Variants in PTPN6 observed in about 807,000 individuals in gnomAD.
The protein encoded by PTPN6 is tyrosine-protein phosphatase non-receptor type 6.
In PTPN6, 18 loss-of-function variants were observed where a neutral mutation model predicts 81.5. The ratio of observed to expected loss-of-function variants is 0.22; its 90% CI spans 0.15 to 0.33. PTPN6 has a LOEUF of 0.33. Ranked by LOEUF, PTPN6 falls within the 10% of genes least tolerant of loss-of-function variation. The pLI is 1.00. For missense variants in PTPN6, 500 were observed against 794.2 expected (o/e 0.63, Z 4.45); for synonymous variants, 301 against 310.9 (o/e 0.97, Z 0.33).
Position 6,959,972 on chromosome 12 carries a change from C to T in PTPN6, c.1407C>T (p.Leu469=). Residue 469 remains leucine (L), a synonymous_variant, in exon 12 of 16, where the codon CTC becomes CTT. Transcript: ENST00000318974. The surrounding 1 kb of genome is among the most constrained non-coding windows in gnomAD (Gnocchi z 6.6). ...RTGTIIVIDM[L]MENISTKGLD... ...GCACCATCATTGTCATCGACATGCT[C>T]ATGGAGAACATCTCCACCAAGGGTG... The T allele has an allele frequency of 6.2e-7, 1 of 1,609,044 alleles. No individual in the cohort carries two copies. Among genetic ancestry groups the T allele is most frequent in the Non-Finnish European group, 8.5e-7 (1 of 1,179,218 alleles).
At chr12:6,949,877 G>A (rs1347568027), upstream of PTPN6, among the ~76,000 whole-genome samples, 2 of 144,522 alleles carry the variant, frequency 1.4e-5, no homozygotes, top group Non-Finnish European at 1.5e-5. Context: ...GCGGTGGCAT[G>A]ATCTCGGCTC....
In PTPN6 at chr12:6,959,928, G is replaced by A. The variant is rs1435682678; in HGVS notation, c.1363G>A (p.Ala455Thr). The A allele has an allele frequency of 1.2e-6, 2 of 1,610,360 alleles. No homozygotes were observed. Among genetic ancestry groups the A allele is most frequent in the African/African-American group, 1.3e-5 (1 of 74,662 alleles). Residue 455 changes from alanine to threonine, a missense_variant and splice_region_variant, in exon 12 of 16, where the codon GCC (alanine) becomes ACC (threonine). By Grantham distance (58) the Ala-to-Thr change is moderately conservative. This residue lies in a region of PTPN6 where 226 missense variants were observed against 364.4 expected (regional missense o/e 0.62). Coordinates refer to ENST00000318974, the MANE Select transcript of PTPN6 (RefSeq NM_002831.6). The surrounding 1 kb of genome is among the most constrained non-coding windows in gnomAD (Gnocchi z 6.6). The part of the protein sequence containing the change: ...HAGPIIVHCS[A>T]GIGRTGTIIV... ...GATGGCACCCCCGTCTTTCCCCAGC[G>A]CCGGCATCGGCCGCACAGGCACCAT...
chr12:6,946,771 T>A, upstream of PTPN6: 2 of 1,601,706 alleles, frequency 1.2e-6, no homozygotes, highest in South Asian at 2.2e-5. Context: ...GGTCCCAGTC[T>A]CCTGTTAGTT....
chr12:6,960,601 T>G lies in PTPN6; in HGVS notation c.1673+166T>G. 2 of 1,472,150 alleles carry G rather than the reference T, an allele frequency of 1.4e-6. No homozygotes were observed. The highest frequency in any genetic ancestry group is 2.4e-5 in the South Asian group (2 of 82,502). 91.2% of individuals were successfully genotyped at this position (1,472,150 alleles called of 1,614,324 possible). A position where few individuals can be genotyped will look rare whatever the true frequency, so the allele number is the denominator to read the frequency against. On this transcript the variant is annotated intron_variant, in intron 14 of 15. Coordinates refer to ENST00000318974, the MANE Select transcript of PTPN6 (RefSeq NM_002831.6). This position sits in a 1 kb window ranked among gnomAD's most constrained non-coding sequence, Gnocchi z 6.1. ...TAAGCATTTCCTGAGTGCCCACACG[T>G]GTGGGCCTCTGCTAGGTACCAGCAG...
In PTPN6 at chr12:6,951,529, C is replaced by T. The variant is rs1945924172; in HGVS notation, c.8+9C>T. The T allele has an allele frequency of 6.2e-7, 1 of 1,614,028 alleles. No individual in the cohort carries two copies. The highest frequency in any genetic ancestry group is 8.5e-7 in the Non-Finnish European group (1 of 1,179,968). ...GCCCCCAGGATGGTGAGGTAAGGGC[C>T]TGCCACCCACGGTAGACAGGAGGCA... On this transcript the variant is annotated intron_variant, in intron 1 of 15. Coordinates refer to ENST00000318974, the MANE Select transcript of PTPN6 (RefSeq NM_002831.6). The surrounding 1 kb of genome is among the most constrained non-coding windows in gnomAD (Gnocchi z 7.2).
At chr12:6,946,806 A>C, upstream of PTPN6, 1 of 1,497,480 alleles carries the variant, frequency 6.7e-7, no homozygotes, top group South Asian at 1.2e-5. Context: ...GGCTTTGTTG[A>C]TGCTCACTCC....
chr12:6,948,981 C>T (rs1945879323), upstream of PTPN6, among the ~76,000 whole-genome samples: 1 of 151,940 alleles, frequency 6.6e-6, no homozygotes, highest in Non-Finnish European at 1.5e-5. Context: ...AAGTGACAAC[C>T]TGCTTACAGA....
At position 6,955,680 on chromosome 12, in the gene PTPN6, G is replaced by A; in HGVS notation, c.768G>A (p.Val256=). The change falls in exon 7 of 16, where the codon GTG becomes GTA. Residue 256 remains valine (V), a synonymous_variant. Transcript: ENST00000318974. The surrounding 1 kb of genome is among the most constrained non-coding windows in gnomAD (Gnocchi z 7.2). ...EEFESLQKQE[V]KNLHQRLEGQ... is the part of the protein sequence containing the mutation. ...CTCAGAGTTTGCAGAAGCAGGAGGTGAAGAACTTGCACCAGCGTCTGGAAG... is the reference window on the plus strand; with the variant it reads ...CTCAGAGTTTGCAGAAGCAGGAGGTAAAGAACTTGCACCAGCGTCTGGAAG... 1.2e-6 allele frequency: 2 copies of A among 1,614,082 alleles called. No individual in the cohort carries two copies. The highest frequency in any genetic ancestry group is 1.7e-6 in the Non-Finnish European group (2 of 1,180,000).
At position 6,955,995 on chromosome 12, in the gene PTPN6, G is replaced by A; in HGVS notation, c.845-147G>A. 1 of 870,836 alleles carries A rather than the reference G, an allele frequency of 1.1e-6. No homozygotes were observed. The highest frequency in any genetic ancestry group is 1.4e-5 in the South Asian group (1 of 69,838). 53.9% of individuals were successfully genotyped at this position (870,836 alleles called of 1,614,324 possible). A position where few individuals can be genotyped will look rare whatever the true frequency, so the allele number is the denominator to read the frequency against. On this transcript the variant is annotated intron_variant, in intron 7 of 15. Transcript: ENST00000318974. The surrounding 1 kb of genome is among the most constrained non-coding windows in gnomAD (Gnocchi z 7.2). ...ACTCCCTCACTCCCTCCATACAGATGATCCCCCACCCCTGCTGCCCACAGT... is the reference window on the plus strand; with the variant it reads ...ACTCCCTCACTCCCTCCATACAGATAATCCCCCACCCCTGCTGCCCACAGT...
chr12:6,946,794 A>C (rs1483249966), upstream of PTPN6: 21 of 1,559,172 alleles, frequency 1.3e-5, no homozygotes, highest in Admixed American at 8.8e-5. Flanking sequence ...GGAGGGAGGG[A>C]GGGCTTTGTT....
rs368851443 is a variant in PTPN6 at position 6,951,551 on chromosome 12, G to A, written c.8+31G>A. The A allele has an allele frequency of 1.9e-6, 3 of 1,613,946 alleles. No homozygotes were observed. The highest frequency in any genetic ancestry group is 1.3e-5 in the African/African-American group (1 of 74,910). Reference sequence around the variant, plus strand: ...GGCCTGCCACCCACGGTAGACAGGAGGCAAGGGTGCCTGGTGCCCACGGGA... The same window carrying A: ...GGCCTGCCACCCACGGTAGACAGGAAGCAAGGGTGCCTGGTGCCCACGGGA... On this transcript the variant is annotated intron_variant, in intron 1 of 15. Coordinates refer to ENST00000318974, the MANE Select transcript of PTPN6 (RefSeq NM_002831.6). This position sits in a 1 kb window ranked among gnomAD's most constrained non-coding sequence, Gnocchi z 7.2.
Position 6,959,694 on chromosome 12 carries a change from A to G in PTPN6, c.1362-233A>G. ...GGCGCGAGGAGTGGAGGAGGGAAGG[A>G]TGGTGGCAGCTGGGGAGCCAGCGTC... On this transcript the variant is annotated intron_variant, in intron 11 of 15. Coordinates refer to ENST00000318974, the MANE Select transcript of PTPN6 (RefSeq NM_002831.6). This position sits in a 1 kb window ranked among gnomAD's most constrained non-coding sequence, Gnocchi z 6.6. 1.7e-6 allele frequency: 1 copy of G among 601,426 alleles called. No individual in the cohort carries two copies. Among genetic ancestry groups the G allele is most frequent in the Non-Finnish European group, 3.0e-6 (1 of 336,836 alleles). 37.3% of individuals were successfully genotyped at this position (601,426 alleles called of 1,614,324 possible). A position where few individuals can be genotyped will look rare whatever the true frequency, so the allele number is the denominator to read the frequency against.
chr12:6,958,056 C>T lies in PTPN6; in HGVS notation c.1344C>T (p.Pro448=), dbSNP rs1017446272. Reference sequence around the variant, plus strand: ...AGGAAAGTCTGCCTCACGCAGGGCCCATCATCGTGCACTGCAGGTGAGGAT... The same window carrying T: ...AGGAAAGTCTGCCTCACGCAGGGCCTATCATCGTGCACTGCAGGTGAGGAT... ...QRQESLPHAG[P]IIVHCSAGIG... The change falls in exon 11 of 16, where the codon CCC becomes CCT. Residue 448 remains proline (P), a synonymous_variant. Coordinates refer to ENST00000318974, the MANE Select transcript of PTPN6 (RefSeq NM_002831.6). 1 of 1,611,994 alleles carries T rather than the reference C, an allele frequency of 6.2e-7. No homozygotes were observed. The highest frequency in any genetic ancestry group is 1.3e-5 in the African/African-American group (1 of 75,066).
chr12:6,960,480 C>T lies in PTPN6; in HGVS notation c.1673+45C>T, dbSNP rs781820220. ...ACTGCCCGGCATCCACCCCTTTGTC[C>T]TGCCCAGCCCGATCCTCACTTTCTG... On this transcript the variant is annotated intron_variant, in intron 14 of 15. Coordinates refer to ENST00000318974, the MANE Select transcript of PTPN6 (RefSeq NM_002831.6). The surrounding 1 kb of genome is among the most constrained non-coding windows in gnomAD (Gnocchi z 6.1). 2 of 1,582,234 alleles carry T rather than the reference C, an allele frequency of 1.3e-6. No individual in the cohort carries two copies. Among genetic ancestry groups the T allele is most frequent in the Admixed American group, 1.7e-5 (1 of 59,344 alleles).
chr12:6,948,356 A>G (rs943569447), upstream of PTPN6, among the ~76,000 whole-genome samples: 12 of 149,586 alleles, frequency 8.0e-5, no homozygotes, highest in African/African-American at 2.9e-4. Flanking sequence ...GGATCACCTG[A>G]GCCAAGGAGG....
Position 6,957,364 on chromosome 12 carries a change from A to G in PTPN6, c.1075-290A>G, listed in dbSNP as rs1946049806. ...GGCACAGGGGCACAGACTGGGTGTTATTTGTGTCTGTGAAGCTGTGTGGTT... is the reference window on the plus strand; with the variant it reads ...GGCACAGGGGCACAGACTGGGTGTTGTTTGTGTCTGTGAAGCTGTGTGGTT... On this transcript the variant is annotated intron_variant, in intron 9 of 15. Transcript: ENST00000318974. The surrounding 1 kb of genome is among the most constrained non-coding windows in gnomAD (Gnocchi z 6.5). Among the ~76,000 whole-genome samples the G allele has an allele frequency of 6.6e-6, 1 of 152,132 alleles. No homozygotes were observed. Among genetic ancestry groups the G allele is most frequent in the African/African-American group, 2.4e-5 (1 of 41,416 alleles).
upstream of PTPN6, among the ~76,000 whole-genome samples, chr12:6,947,355 C>G (rs1555146975): frequency 6.6e-6 from 1 of 152,162 alleles, no homozygotes; most frequent in Admixed American, 6.5e-5. Context: ...ATTGCAGATT[C>G]TCAGAAGTAT....
In PTPN6 at chr12:6,956,527, C is replaced by T. The variant is rs369337036; in HGVS notation, c.1033C>T (p.Arg345Cys). ...FWQMAWQENSRVIVMTTREVE... is the reference protein window; with the variant it reads ...FWQMAWQENSCVIVMTTREVE... ...GCAGATGGCGTGGCAGGAGAACAGC[C>T]GTGTCATCGTCATGACCACCCGAGA... The change falls in exon 9 of 16, where the codon CGT (arginine) becomes TGT (cysteine). Residue 345 changes from arginine to cysteine, a missense_variant. Coordinates refer to ENST00000318974, the MANE Select transcript of PTPN6 (RefSeq NM_002831.6). This position sits in a 1 kb window ranked among gnomAD's most constrained non-coding sequence, Gnocchi z 4.1. 3.0e-5 allele frequency: 49 copies of T among 1,613,886 alleles called. 1 individual carries two copies. Among genetic ancestry groups the T allele is most frequent in the South Asian group, 1.4e-4 (13 of 91,080 alleles).
rs782459244 is a variant in PTPN6 at position 6,957,801 on chromosome 12, G to A, written c.1206+16G>A. 1.9e-5 allele frequency: 31 copies of A among 1,613,930 alleles called. No homozygotes were observed. In the African/African-American group the frequency reaches 2.5e-4, roughly 13 times the overall value. ...GCTGGACAATGTGAGTGGCCCCCAC[G>A]CCCTGCCCCATTCCGGGAGTCCCTC... On this transcript the variant is annotated intron_variant, in intron 10 of 15. Coordinates refer to ENST00000318974, the MANE Select transcript of PTPN6 (RefSeq NM_002831.6). The surrounding 1 kb of genome is among the most constrained non-coding windows in gnomAD (Gnocchi z 6.5).
Sources: gnomAD v4.1 joint callset for allele counts (sites outside exome capture counted in the v4.1 genomes callset) on GRCh38, gnomAD v4.1.1 for gene constraint, gnomAD v4.1.1 regional missense constraint, Gnocchi (gnomAD v3.1) non-coding constraint, MANE v1.5 for transcripts, NCBI Gene and HGNC (gene_info 2026-07-23, HGNC 2026-07-21) for gene names.